Variants in MLXIP observed in about 807,000 individuals in gnomAD.
MLXIP encodes MLX-interacting protein.
In MLXIP, 30 loss-of-function variants were observed where a neutral mutation model predicts 87.2. That is an observed-to-expected ratio of 0.34 (90% CI 0.26 to 0.47). The LOEUF is 0.47. Among genes scored for constraint, MLXIP ranks in the 20% least tolerant of loss-of-function variants. The pLI is 1.00. For synonymous variants in MLXIP, 530 were observed against 514.0 expected, an observed-to-expected ratio of 1.03 and a Z score of -0.42; for missense variants, 1,002 against 1,240.1, an observed-to-expected ratio of 0.81 and a Z score of 2.88.
intron 1 of MLXIP, among the ~76,000 whole-genome samples, chr12:122,101,336 T>C (rs1194280124): frequency 6.6e-6 from 1 of 151,716 alleles, no homozygotes; most frequent in Non-Finnish European, 1.5e-5. Flanking sequence ...ACTTTGCTTT[T>C]TTTTCTTTTT....
chr12:122,121,581 T>G (rs1593097061), intron 1 of MLXIP, among the ~76,000 whole-genome samples: 1 of 152,128 alleles, frequency 6.6e-6, no homozygotes, highest in East Asian at 1.9e-4. Context: ...CTGCCTGCTT[T>G]CTTTTGGAGA....
At chr12:122,080,479 G>A (rs1234920988) in intron 1 of MLXIP, among the ~76,000 whole-genome samples, 1 of 152,164 alleles carries the variant, frequency 6.6e-6, no homozygotes, top group East Asian at 1.9e-4. Flanking sequence ...TAAAATATTA[G>A]ATACTTAGCC....
chr12:122,086,839 C>T (rs1182250678), intron 1 of MLXIP, among the ~76,000 whole-genome samples: 1 of 152,142 alleles, frequency 6.6e-6, no homozygotes, highest in Non-Finnish European at 1.5e-5. Flanking sequence ...GGGAGATGCT[C>T]TTCTTCACTG....
At chr12:122,102,772 T>A in intron 1 of MLXIP, among the ~76,000 whole-genome samples, 1 of 152,218 alleles carries the variant, frequency 6.6e-6, no homozygotes, top group East Asian at 1.9e-4. Context: ...TGGATGAGCC[T>A]TGAAAACATG....
chr12:122,136,305 C>A (rs1334213243), intron 11 of MLXIP: 1 of 152,294 alleles, frequency 6.6e-6, no homozygotes, highest in Non-Finnish European at 1.5e-5. Flanking sequence ...GAAATGGCCT[C>A]TTTTCTTAAA....
In MLXIP at chr12:122,086,929, C is replaced by T. The variant is rs547637815; in HGVS notation, c.413+7663C>T. Among the ~76,000 whole-genome samples, 6 of 152,290 alleles carry T rather than the reference C, an allele frequency of 3.9e-5. No individual in the cohort carries two copies. In the South Asian group the frequency reaches 8.3e-4, roughly 21 times the overall value. ...GCAGCCCTGCTTCTTGTGCTGCCGC[C>T]GGCTGTCACCCACCACCCTGTTTCT... On this transcript the variant is annotated intron_variant, in intron 1 of 16. Coordinates refer to ENST00000319080, the MANE Select transcript of MLXIP (RefSeq NM_014938.6).
chr12:122,104,453 G>A (rs945969486), intron 1 of MLXIP, among the ~76,000 whole-genome samples: 4 of 151,990 alleles, frequency 2.6e-5, no homozygotes, highest in Non-Finnish European at 4.4e-5. Context: ...GTTGCTGTCT[G>A]CACCTGTAGT....
chr12:122,097,750 C>T (rs1029984806), intron 1 of MLXIP, among the ~76,000 whole-genome samples: 6 of 152,150 alleles, frequency 3.9e-5, no homozygotes, highest in East Asian at 3.9e-4. Context: ...TTTCCTGGCC[C>T]GGTGGAATGC....
chr12:122,128,470 G>A (rs1444701029), intron 3 of MLXIP: 1 of 161,754 alleles, frequency 6.2e-6, no homozygotes, highest in African/African-American at 2.4e-5. Context: ...GGTATAATCT[G>A]GTATTAGACA....
intron 1 of MLXIP, among the ~76,000 whole-genome samples, chr12:122,124,866 AC>A (rs1194485949): frequency 6.6e-6 from 1 of 152,102 alleles, no homozygotes; most frequent in African/African-American, 2.4e-5. Context: ...CCCTGTCTCT[AC>A]TAAAAATACA....
intron 1 of MLXIP, among the ~76,000 whole-genome samples, chr12:122,097,685 C>CTGCCCA (rs1565962299): frequency 6.6e-6 from 1 of 152,060 alleles, no homozygotes; most frequent in Non-Finnish European, 1.5e-5. Context: ...TGTCCCCACA[C>CTGCCCA]TGCCCACCAT....
intron 1 of MLXIP, among the ~76,000 whole-genome samples, chr12:122,115,326 G>T (rs1001122334): frequency 6.6e-6 from 1 of 151,844 alleles, no homozygotes; most frequent in African/African-American, 2.4e-5. Context: ...GGTGTCTCAC[G>T]CCTATAATCC....
chr12:122,139,964 G>A lies in MLXIP; in HGVS notation c.2509-990G>A, dbSNP rs1422592485. On this transcript the variant is annotated intron_variant, in intron 15 of 16. Coordinates refer to ENST00000319080, the MANE Select transcript of MLXIP (RefSeq NM_014938.6). ...GCTGGGATTACAGGCGTGAGCCACC[G>A]TGCCCGGCCATAAGAGGCAGTTTTT... Among the ~76,000 whole-genome samples the A allele has an allele frequency of 7.2e-5, 11 of 152,250 alleles. No individual in the cohort carries two copies. In the East Asian group the frequency reaches 9.7e-4, roughly 13 times the overall value.
At chr12:122,086,995 G>C (rs144677570) in intron 1 of MLXIP, among the ~76,000 whole-genome samples, 1 of 152,092 alleles carries the variant, frequency 6.6e-6, no homozygotes, top group Admixed American at 6.5e-5. Context: ...TTCTGGATCC[G>C]CCCAGCTTGA....
intron 1 of MLXIP, among the ~76,000 whole-genome samples, chr12:122,101,655 A>G (rs933037206): frequency 7.2e-6 from 1 of 139,410 alleles, no homozygotes; most frequent in African/African-American, 2.7e-5. Context: ...ATCTCGGCTC[A>G]CTGCAAGCTC....
rs544114610 is a variant in MLXIP at position 122,105,979 on chromosome 12, C to T, written c.414-21277C>T. The stretch of plus-strand genomic sequence containing the variant: ...TAAGTGTGAGATGTTGGCCAACTGG[C>T]ATTTCCATCGCTTCACTTGCTCTTC... On this transcript the variant is annotated intron_variant, in intron 1 of 16. Transcript: ENST00000319080. 2.1e-3 allele frequency among the ~76,000 whole-genome samples: 322 copies of T among 152,284 alleles called. 1 individual carries two copies. Among genetic ancestry groups the T allele is most frequent in the African/African-American group, 7.3e-3 (304 of 41,558 alleles).
chr12:122,139,025 G>T, intron 15 of MLXIP, 87 bp downstream of exon 15: 1 of 1,559,772 alleles, frequency 6.4e-7, no homozygotes, highest in South Asian at 1.2e-5. Flanking sequence ...ACTTTAGAAA[G>T]ACTCTTTAAA....
chr12:122,122,711 A>AT (rs1044595144), intron 1 of MLXIP, among the ~76,000 whole-genome samples: 12 of 151,070 alleles, frequency 7.9e-5, no homozygotes, highest in East Asian at 5.9e-4. Flanking sequence ...CGCCTGGCTA[A>AT]TTTTTTTTGT....
intron 1 of MLXIP, among the ~76,000 whole-genome samples, chr12:122,123,471 T>A (rs1420889865): frequency 5.3e-5 from 8 of 152,200 alleles, no homozygotes; most frequent in Non-Finnish European, 1.2e-4. Flanking sequence ...GAAGTCTGAC[T>A]GTGTTTGACG....
Sources: allele counts gnomAD v4.1 joint callset (sites outside exome capture counted in the v4.1 genomes callset), GRCh38; gene constraint gnomAD v4.1.1; transcripts MANE v1.5; gene names NCBI Gene and HGNC (gene_info 2026-07-23, HGNC 2026-07-21).